Variants in NALF1 observed in about 807,000 individuals in gnomAD.
NALF1 encodes NALCN channel auxiliary factor 1.
In NALF1, 3 loss-of-function variants were observed where a neutral mutation model predicts 48.4. The ratio of observed to expected loss-of-function variants is 0.06; its 90% CI spans 0.03 to 0.16. The LOEUF is 0.16. Among genes scored for constraint, NALF1 ranks in the 10% least tolerant of loss-of-function variants. The pLI is 1.00. For missense variants in NALF1, 526 were observed against 571.5 expected, an observed-to-expected ratio of 0.92 and a Z score of 0.81; for synonymous variants, 262 against 245.7, an observed-to-expected ratio of 1.07 and a Z score of -0.62.
chr13:107,167,356 C>T lies in NALF1; in HGVS notation c.*3141G>A, dbSNP rs1345065068. 3 of 152,110 alleles carry T rather than the reference C, an allele frequency of 2.0e-5. No individual in the cohort carries two copies. The highest frequency in any genetic ancestry group is 7.2e-5 in the African/African-American group (3 of 41,414). 9.4% of individuals were successfully genotyped at this position (152,110 alleles called of 1,614,324 possible). A position where few individuals can be genotyped will look rare whatever the true frequency, so the allele number is the denominator to read the frequency against. On this transcript the variant is annotated 3_prime_UTR_variant, in exon 3 of 3. Coordinates refer to ENST00000375915, the MANE Select transcript of NALF1 (RefSeq NM_001080396.3). ...AACCTTAAGCATGCTCAAGTGTGTG[C>T]CAGGAAAACTACTACAAAGAATCAA... is the stretch of plus-strand genomic sequence containing the variant.
chr13:107,331,748 T>A (rs1882473429), intron 1 of NALF1, among the ~76,000 whole-genome samples: 1 of 152,150 alleles, frequency 6.6e-6, no homozygotes, highest in Non-Finnish European at 1.5e-5. Flanking sequence ...TATAATTTTC[T>A]TTCAAATAAA....
chr13:107,479,539 C>T (rs1885222132), intron 1 of NALF1, among the ~76,000 whole-genome samples: 1 of 152,054 alleles, frequency 6.6e-6, no homozygotes, highest in South Asian at 2.1e-4. Context: ...TATCCACCTT[C>T]ATAATTGTGA....
At chr13:107,680,588 G>A (rs1043654298) in intron 1 of NALF1, among the ~76,000 whole-genome samples, 1 of 140,672 alleles carries the variant, frequency 7.1e-6, no homozygotes, top group East Asian at 2.2e-4. Context: ...ATGTGACTGT[G>A]TGTGAGGATG....
intron 1 of NALF1, among the ~76,000 whole-genome samples, chr13:107,439,746 C>A (rs1053464289): frequency 1.3e-5 from 2 of 152,178 alleles, no homozygotes; most frequent in Admixed American, 6.5e-5. Context: ...GAGTACGTGT[C>A]ATGATTTCAG....
At chr13:107,276,182 T>G (rs73584916) in intron 1 of NALF1, among the ~76,000 whole-genome samples, 100 of 152,176 alleles carry the variant, frequency 6.6e-4, no homozygotes, top group African/African-American at 2.2e-3. Flanking sequence ...TGGGAAGAGA[T>G]TACATGAGGA....
chr13:107,678,720 T>C (rs935724032), intron 1 of NALF1, among the ~76,000 whole-genome samples: 34 of 152,236 alleles, frequency 2.2e-4, no homozygotes, highest in Non-Finnish European at 3.5e-4. Context: ...GGCAACGTCT[T>C]CACAACGGGG....
At chr13:107,575,507 A>C (rs1243453697) in intron 1 of NALF1, among the ~76,000 whole-genome samples, 2 of 152,136 alleles carry the variant, frequency 1.3e-5, no homozygotes, top group East Asian at 3.9e-4. Context: ...AAAAATTACC[A>C]CAAAATACTA....
chr13:107,209,480 C>G (rs1879713006), intron 2 of NALF1, among the ~76,000 whole-genome samples: 1 of 147,280 alleles, frequency 6.8e-6, no homozygotes, highest in African/African-American at 2.6e-5. Context: ...CTGGGTGACA[C>G]AGAGCGAGAC....
chr13:107,406,099 AAC>A (rs1289253491), intron 1 of NALF1, among the ~76,000 whole-genome samples: 1 of 152,026 alleles, frequency 6.6e-6, no homozygotes, highest in East Asian at 1.9e-4. Context: ...CCAACCAACC[AAC>A]ACATCATTTA....
At chr13:107,756,201 T>C (rs1877088985) in intron 1 of NALF1, among the ~76,000 whole-genome samples, 1 of 152,142 alleles carries the variant, frequency 6.6e-6, no homozygotes, top group South Asian at 2.1e-4. Flanking sequence ...ATCCCAAAGA[T>C]AACGGCAATG....
chr13:107,538,681 ATTGGAATCAGACC>A (rs1263494730), intron 1 of NALF1, among the ~76,000 whole-genome samples: 2 of 152,170 alleles, frequency 1.3e-5, no homozygotes, highest in Non-Finnish European at 2.9e-5. Flanking sequence ...AGATTCTGTC[ATTGGAATCAGACC>A]TCAGTTCAAA....
chr13:107,629,426 T>G (rs1879771986), intron 1 of NALF1, among the ~76,000 whole-genome samples: 1 of 152,184 alleles, frequency 6.6e-6, no homozygotes, highest in Non-Finnish European at 1.5e-5. Flanking sequence ...GAGACTGAGA[T>G]TTTTGGCAAT....
At chr13:107,572,900 G>A (rs1415979732) in intron 1 of NALF1, among the ~76,000 whole-genome samples, 1 of 152,062 alleles carries the variant, frequency 6.6e-6, no homozygotes, top group Non-Finnish European at 1.5e-5. Context: ...ACATGCCAGT[G>A]ACTTCCTCAT....
intron 1 of NALF1, among the ~76,000 whole-genome samples, chr13:107,654,724 A>G (rs917253285): frequency 2.6e-5 from 4 of 152,108 alleles, no homozygotes; most frequent in Non-Finnish European, 5.9e-5. Flanking sequence ...AATATCCCTG[A>G]AAAACATAGA....
At chr13:107,359,173 C>A (rs544196065) in intron 1 of NALF1, among the ~76,000 whole-genome samples, 39 of 152,178 alleles carry the variant, frequency 2.6e-4, no homozygotes, top group Non-Finnish European at 4.3e-4. Flanking sequence ...TCAAATCATT[C>A]TCATCCTTTT....
At chr13:107,191,833 A>ATT (rs66566638) in intron 2 of NALF1, among the ~76,000 whole-genome samples, 20,015 of 112,112 alleles carry the variant, frequency 0.18, 1,952 homozygotes, top group African/African-American at 0.23. Context: ...CACTATGCCT[A>ATT]TTTTTTTTTT....
At position 107,663,811 on chromosome 13, in the gene NALF1, T is replaced by C. The variant is rs564186933; in HGVS notation, c.915+201871A>G. On this transcript the variant is annotated intron_variant, in intron 1 of 2. Transcript: ENST00000375915. ...CTTCTTATTTCATGCACTTTCTTCA[T>C]TTGGCCTCCTGGATACCACAGTGTC... Among the ~76,000 whole-genome samples the C allele has an allele frequency of 2.0e-5, 3 of 152,288 alleles. No individual in the cohort carries two copies. The South Asian group carries it at 6.2e-4, about 32-fold the overall frequency.
chr13:107,789,519 A>T (rs1282727087), intron 1 of NALF1, among the ~76,000 whole-genome samples: 1 of 152,186 alleles, frequency 6.6e-6, no homozygotes, highest in Admixed American at 6.5e-5. Flanking sequence ...GTCATTCTGG[A>T]TCATGAGATA....
chr13:107,492,717 T>C (rs1418175039), intron 1 of NALF1, among the ~76,000 whole-genome samples: 1 of 152,180 alleles, frequency 6.6e-6, no homozygotes, highest in Non-Finnish European at 1.5e-5. Context: ...TAAACTATGA[T>C]TGAAAAAAGA....
Sources: allele counts gnomAD v4.1 joint callset (sites outside exome capture counted in the v4.1 genomes callset), GRCh38; gene constraint gnomAD v4.1.1; transcripts MANE v1.5; gene names NCBI Gene and HGNC (gene_info 2026-07-23, HGNC 2026-07-21).